QTMAN: variants seen among roughly 807,000 people sequenced by gnomAD.
QTMAN encodes queuosine-tRNA mannosyltransferase.
At chr2:144,226,149 G>C in the QTMAN span, among the ~76,000 whole-genome samples, 191 of 152,210 alleles carry the variant, frequency 1.3e-3, 1 homozygote, top group Non-Finnish European at 3.8e-4. Context: ...CAATATCATT[G>C]AATAGAAAGA....
the QTMAN span, among the ~76,000 whole-genome samples, chr2:144,017,011 C>T: frequency 5.8e-4 from 85 of 146,758 alleles, no homozygotes; most frequent in Middle Eastern, 0.014. Context: ...CCAAATGTTA[C>T]TTTTTTTTTT....
chr2:144,218,518 T>C, the QTMAN span, among the ~76,000 whole-genome samples: 12 of 152,338 alleles, frequency 7.9e-5, no homozygotes, highest in South Asian at 2.5e-3. Context: ...ACTGAGTTTG[T>C]GCAGGGTAAT....
the QTMAN span, among the ~76,000 whole-genome samples, chr2:144,024,059 G>T: frequency 1.3e-5 from 2 of 152,198 alleles, no homozygotes; most frequent in African/African-American, 2.4e-5. Context: ...ATATTAGTTT[G>T]GGAATACAGA....
chr2:144,133,547 G>T, the QTMAN span, among the ~76,000 whole-genome samples: 16 of 95,638 alleles, frequency 1.7e-4, no homozygotes, highest in East Asian at 1.7e-3. Context: ...AAGATATAAA[G>T]ATATAAATAT....
At chr2:144,073,204 G>A in the QTMAN span, among the ~76,000 whole-genome samples, 21 of 151,232 alleles carry the variant, frequency 1.4e-4, no homozygotes, top group African/African-American at 4.8e-4. Flanking sequence ...CTATAAAAAT[G>A]TGAACTAAGA....
chr2:144,296,778 G>A, the QTMAN span, among the ~76,000 whole-genome samples: 1 of 151,826 alleles, frequency 6.6e-6, no homozygotes, highest in African/African-American at 2.4e-5. Context: ...CTTTCACCCA[G>A]ACTACACTTT....
chr2:144,304,930 T>G, the QTMAN span, among the ~76,000 whole-genome samples: 1 of 152,214 alleles, frequency 6.6e-6, no homozygotes, highest in Admixed American at 6.5e-5. Context: ...TCTATTCAGA[T>G]ACTTTTCATA....
chr2:144,323,369 C>A, the QTMAN span, among the ~76,000 whole-genome samples: 1 of 152,178 alleles, frequency 6.6e-6, no homozygotes, highest in Non-Finnish European at 1.5e-5. Context: ...TCTTCAAGGA[C>A]ATTCTTAAGT....
At chr2:144,110,688 C>CCCA in the QTMAN span, among the ~76,000 whole-genome samples, 2 of 132,904 alleles carry the variant, frequency 1.5e-5, no homozygotes, top group Non-Finnish European at 3.3e-5. Context: ...GACCCCCCCC[C>CCCA]AAAAAAAAAA....
At chr2:144,268,161 A>C in the QTMAN span, among the ~76,000 whole-genome samples, 2 of 152,056 alleles carry the variant, frequency 1.3e-5, no homozygotes, top group Admixed American at 6.5e-5. Context: ...TAAATTCCCC[A>C]CAAGAACTGA....
chr2:144,213,134 G>A, the QTMAN span, among the ~76,000 whole-genome samples: 1 of 152,208 alleles, frequency 6.6e-6, no homozygotes, highest in South Asian at 2.1e-4. Context: ...GCATTGATAA[G>A]ATCACAGAGA....
At chr2:144,144,648 T>TA in the QTMAN span, among the ~76,000 whole-genome samples, 1 of 151,966 alleles carries the variant, frequency 6.6e-6, no homozygotes. Flanking sequence ...ATAGCACTGC[T>TA]ACTTCACAAT....
At chr2:144,258,769 TA>T in the QTMAN span, among the ~76,000 whole-genome samples, 6 of 150,878 alleles carry the variant, frequency 4.0e-5, no homozygotes, top group African/African-American at 1.2e-4. Context: ...AACTAAAGAG[TA>T]AAAAAAAATA....
chr2:144,326,355 A>T, the QTMAN span, among the ~76,000 whole-genome samples: 2 of 152,222 alleles, frequency 1.3e-5, 1 homozygote, highest in Admixed American at 1.3e-4. Context: ...TGGGAGGGTG[A>T]GGCGGGCGGA....
the QTMAN span, among the ~76,000 whole-genome samples, chr2:144,248,898 TTGTC>T: frequency 6.6e-6 from 1 of 152,200 alleles, no homozygotes; most frequent in Non-Finnish European, 1.5e-5. Context: ...ATTTTGTCCT[TTGTC>T]TGAAGCCTTC....
the QTMAN span, among the ~76,000 whole-genome samples, chr2:144,255,387 C>A: frequency 1.3e-5 from 2 of 152,122 alleles, no homozygotes; most frequent in Non-Finnish European, 2.9e-5. Flanking sequence ...CTTTGCTTGG[C>A]ACTTCTCTCT....
At chr2:144,130,260 A>G in the QTMAN span, among the ~76,000 whole-genome samples, 8 of 151,954 alleles carry the variant, frequency 5.3e-5, no homozygotes, top group South Asian at 4.1e-4. Flanking sequence ...TTCACCTCCT[A>G]TTAGGCCAAA....
At chr2:144,220,178 T>C in the QTMAN span, among the ~76,000 whole-genome samples, 1 of 152,116 alleles carries the variant, frequency 6.6e-6, no homozygotes, top group Non-Finnish European at 1.5e-5. Flanking sequence ...GAGAGCTGTA[T>C]CACTATTTTT....
At chr2:144,091,036 G>GACACAC in the QTMAN span, among the ~76,000 whole-genome samples, 1 of 150,884 alleles carries the variant, frequency 6.6e-6, no homozygotes, top group African/African-American at 2.4e-5. Flanking sequence ...TTGAGAAACA[G>GACACAC]ACACACACAC....
Sources: allele counts gnomAD v4.1 joint callset (sites outside exome capture counted in the v4.1 genomes callset), GRCh38; gene constraint gnomAD v4.1.1; transcripts MANE v1.5; gene names NCBI Gene and HGNC (gene_info 2026-07-23, HGNC 2026-07-21).